Variants in NEK10 observed in about 807,000 individuals in gnomAD.
NEK10 encodes the protein serine/threonine-protein kinase Nek10.
Under a neutral mutation model 159.8 loss-of-function variants are expected in NEK10, and 122 were observed. The observed-to-expected ratio is 0.76, with a 90% CI of 0.66 to 0.89. The LOEUF is 0.89. Ranked by LOEUF, NEK10 falls within the 40% of genes least tolerant of loss-of-function variation. NEK10 has a pLI of 0.00. For missense variants in NEK10, 1,342 were observed against 1,323.1 expected, an observed-to-expected ratio of 1.01 and a Z score of -0.22; for synonymous variants, 466 against 457.1, an observed-to-expected ratio of 1.02 and a Z score of -0.25.
intron 23 of NEK10, chr3:27,215,526 A>G (rs1951424132): frequency 2.2e-6 from 1 of 456,952 alleles, no homozygotes; most frequent in Non-Finnish European, 3.8e-6. Flanking sequence ...ATATCTTTAT[A>G]TTTACTCAGA....
intron 22 of NEK10, chr3:27,278,819 G>A (rs1197323211): frequency 1.0e-6 from 1 of 985,286 alleles, no homozygotes; most frequent in Non-Finnish European, 1.2e-6. Flanking sequence ...ATTCCCTCAA[G>A]AGTCATTTTG....
chr3:27,233,099 A>G (rs1459206298), intron 23 of NEK10, among the ~76,000 whole-genome samples: 2 of 152,152 alleles, frequency 1.3e-5, no homozygotes, highest in Non-Finnish European at 2.9e-5. Flanking sequence ...AGTAAACAAC[A>G]GACAACCCAC....
At chr3:27,317,833 C>G (rs1458103147) in intron 6 of NEK10, among the ~76,000 whole-genome samples, 1 of 151,774 alleles carries the variant, frequency 6.6e-6, no homozygotes, top group East Asian at 1.9e-4. Flanking sequence ...GACAGAGTCT[C>G]CCTCTGTTGC....
At chr3:27,346,362 C>T in intron 3 of NEK10, 146 bp from the exon 4 acceptor site, 1 of 828,746 alleles carries the variant, frequency 1.2e-6, no homozygotes, top group Non-Finnish European at 1.9e-6. Flanking sequence ...AAGGGTTTTC[C>T]AAGATTCAAA....
chr3:27,252,887 C>T, intron 23 of NEK10: 1 of 514,234 alleles, frequency 1.9e-6, no homozygotes, highest in South Asian at 1.4e-5. Context: ...TGTGGCCATA[C>T]TGAGGGCTTG....
intron 23 of NEK10, chr3:27,215,951 A>G (rs1951484333): frequency 1.8e-6 from 1 of 563,974 alleles, no homozygotes; most frequent in Non-Finnish European, 3.2e-6. Flanking sequence ...TCGCCCCCAT[A>G]ATACAATCAC....
At chr3:27,126,139 C>T (rs909575450) in intron 32 of NEK10, among the ~76,000 whole-genome samples, 4 of 152,126 alleles carry the variant, frequency 2.6e-5, no homozygotes, top group African/African-American at 9.7e-5. Flanking sequence ...AAGCAATCTG[C>T]CTACTTGGAG....
chr3:27,306,371 T>C (rs947675819), intron 11 of NEK10, among the ~76,000 whole-genome samples: 1 of 152,200 alleles, frequency 6.6e-6, no homozygotes, highest in African/African-American at 2.4e-5. Flanking sequence ...CCTGAGCTGA[T>C]TACCTATGGC....
chr3:27,237,677 G>T (rs1559341864), intron 23 of NEK10, among the ~76,000 whole-genome samples: 1 of 151,992 alleles, frequency 6.6e-6, no homozygotes, highest in Non-Finnish European at 1.5e-5. Context: ...GTGAGGAAGG[G>T]TGGGAGTGGG....
intron 22 of NEK10, among the ~76,000 whole-genome samples, chr3:27,272,470 C>T (rs1393058428): frequency 6.6e-6 from 1 of 152,150 alleles, no homozygotes; most frequent in African/African-American, 2.4e-5. Flanking sequence ...TAGGCTCTCA[C>T]TCTTCCTGCA....
intron 23 of NEK10, among the ~76,000 whole-genome samples, chr3:27,236,608 G>A (rs1445736647): frequency 5.3e-5 from 8 of 152,068 alleles, no homozygotes; most frequent in South Asian, 4.1e-4. Context: ...ATCACATATC[G>A]GTAAGTCCGT....
chr3:27,278,773 G>T (rs2041945426), intron 22 of NEK10: 1 of 985,242 alleles, frequency 1.0e-6, no homozygotes, highest in Non-Finnish European at 1.2e-6. Flanking sequence ...AAGAAATCTG[G>T]AATGGTGGGT....
intron 26 of NEK10, among the ~76,000 whole-genome samples, chr3:27,182,859 C>T (rs758088536): frequency 3.3e-5 from 5 of 151,676 alleles, no homozygotes; most frequent in South Asian, 2.1e-4. Flanking sequence ...CCTACTTATA[C>T]GTGGGAGCTA....
At position 27,202,601 on chromosome 3, in the gene NEK10, A is replaced by G. The variant is rs17019512; in HGVS notation, c.2091-44T>C. On this transcript the variant is annotated intron_variant, in intron 23 of 35. Transcript: ENST00000691995. ...ATTAATACATGCTAAGGAAGGGAGA[A>G]TCCGCTCAGAAAGATCCAATTTTCA... 2.4e-3 allele frequency: 3,518 copies of G among 1,458,924 alleles called. 87 individuals carry two copies. In the African/African-American group the frequency reaches 0.045, roughly 18 times the overall value. 90.4% of individuals were successfully genotyped at this position (1,458,924 alleles called of 1,614,324 possible).
chr3:27,144,950 G>A (rs1277209524), intron 30 of NEK10, among the ~76,000 whole-genome samples: 1 of 151,804 alleles, frequency 6.6e-6, no homozygotes, highest in Non-Finnish European at 1.5e-5. Context: ...TTGAACTCCT[G>A]GCCTCAAGTG....
intron 1 of NEK10, among the ~76,000 whole-genome samples, chr3:27,367,295 G>C (rs1452137663): frequency 6.6e-6 from 1 of 152,170 alleles, no homozygotes; most frequent in Non-Finnish European, 1.5e-5. Flanking sequence ...TAAAATGCTA[G>C]AGCTAGGATT....
chr3:27,146,830 C>T (rs1336710024), intron 30 of NEK10, among the ~76,000 whole-genome samples: 1 of 152,110 alleles, frequency 6.6e-6, no homozygotes, highest in East Asian at 1.9e-4. Flanking sequence ...AGTGTGGGTT[C>T]TTAGGAGAAG....
intron 5 of NEK10, among the ~76,000 whole-genome samples, chr3:27,333,926 A>C (rs187853426): frequency 1.4e-4 from 22 of 152,284 alleles, no homozygotes; most frequent in African/African-American, 5.3e-4. Context: ...GGCTGCCATC[A>C]CTAAAAACAT....
In NEK10 at chr3:27,297,216, A is replaced by G. The variant is rs2043423123; in HGVS notation, c.1193T>C (p.Leu398Pro). 6.2e-7 allele frequency: 1 copy of G among 1,613,130 alleles called. No individual in the cohort carries two copies. The part of the protein sequence containing the change: ...QAACCAALTE[L>P]VLNDTNAHQV... ...GTGGGCATTGGTGTCATTGAGCACC[A>G]GCTCAGTGAGGGCAGCACAGCAGGC... The change falls in exon 14 of 36, where the codon CTG becomes CCG. Residue 398 changes from leucine (L) to proline (P), a missense_variant. Transcript: ENST00000691995.
Sources: gnomAD v4.1 joint callset for allele counts (sites outside exome capture counted in the v4.1 genomes callset) on GRCh38, gnomAD v4.1.1 for gene constraint, MANE v1.5 for transcripts, NCBI Gene and HGNC (gene_info 2026-07-23, HGNC 2026-07-21) for gene names.